Variants in ZZEF1 observed in about 807,000 individuals in gnomAD.
The protein encoded by ZZEF1 is zinc finger ZZ-type and EF-hand domain containing 1, also known as zinc finger ZZ-type and EF-hand domain-containing protein 1.
ZZEF1 carries 157 observed loss-of-function variants against 342.8 expected under a neutral mutation model. The ratio of observed to expected loss-of-function variants is 0.46; its 90% CI spans 0.40 to 0.52. ZZEF1 has a LOEUF of 0.52. Ranked by LOEUF, ZZEF1 falls within the 20% of genes least tolerant of loss-of-function variation. The pLI, the probability that ZZEF1 is intolerant of heterozygous loss-of-function variation, is 0.00. For synonymous variants in ZZEF1, 1,505 were observed against 1,429.1 expected, an observed-to-expected ratio of 1.05 and a Z score of -1.20; for missense variants, 3,480 against 3,725.6, an observed-to-expected ratio of 0.93 and a Z score of 1.72.
chr17:4,092,406 C>T (rs1308231848), intron 11 of ZZEF1, among the ~76,000 whole-genome samples: 1 of 146,770 alleles, frequency 6.8e-6, no homozygotes, highest in Non-Finnish European at 1.5e-5. Context: ...TCAAAAGATT[C>T]ACCTGCCTCA....
chr17:4,116,467 G>A (rs1201901242), intron 3 of ZZEF1, among the ~76,000 whole-genome samples: 1 of 152,178 alleles, frequency 6.6e-6, no homozygotes, highest in African/African-American at 2.4e-5. Flanking sequence ...CCTGGGCTCT[G>A]TTATGTTCCA....
At chr17:4,133,370 G>T (rs2145597671) in intron 1 of ZZEF1, among the ~76,000 whole-genome samples, 1 of 152,276 alleles carries the variant, frequency 6.6e-6, no homozygotes, top group Middle Eastern at 3.4e-3. Flanking sequence ...TGCATCCAAG[G>T]CTTCAGGGTT....
chr17:4,049,882 A>G, intron 36 of ZZEF1, 23 bp from the exon 37 acceptor site: 1 of 1,610,644 alleles, frequency 6.2e-7, no homozygotes, highest in Non-Finnish European at 8.5e-7. Context: ...CAAATCAGAG[A>G]ATGGTTAGAA....
chr17:4,047,632 G>A (rs1310013046), intron 37 of ZZEF1, among the ~76,000 whole-genome samples: 1 of 150,856 alleles, frequency 6.6e-6, no homozygotes, highest in East Asian at 1.9e-4. Context: ...AACAGAGTGA[G>A]ACCCTGTCTC....
chr17:4,082,523 T>C lies in ZZEF1; in HGVS notation c.2647-19A>G, dbSNP rs2057743896. 1.2e-6 allele frequency: 2 copies of C among 1,612,542 alleles called. No homozygotes were observed. Among genetic ancestry groups the C allele is most frequent in the Non-Finnish European group, 1.7e-6 (2 of 1,179,236 alleles). On this transcript the variant is annotated intron_variant, in intron 16 of 54. Transcript: ENST00000381638. The stretch of plus-strand genomic sequence containing the variant: ...TGACATTCTTCTAGAAAACCAGAAA[T>C]TGTATATTCAGAAAATCTAGTCCAT...
chr17:4,114,587 T>C, intron 3 of ZZEF1, 117 bp from the exon 4 acceptor site: 1 of 845,714 alleles, frequency 1.2e-6, no homozygotes, highest in Non-Finnish European at 1.7e-6. Context: ...AACACAAATC[T>C]TCCTTAAAAT....
intron 9 of ZZEF1, among the ~76,000 whole-genome samples, chr17:4,097,033 G>A (rs1209141824): frequency 4.0e-5 from 6 of 151,828 alleles, no homozygotes; most frequent in East Asian, 1.9e-4. Flanking sequence ...AGGCCGAGGC[G>A]GGTGGATCAC....
intron 43 of ZZEF1, among the ~76,000 whole-genome samples, chr17:4,024,186 GTTTTTTTTTT>G (rs754985234): frequency 3.2e-5 from 3 of 94,428 alleles, no homozygotes; most frequent in Admixed American, 1.3e-4. Flanking sequence ...TATTGCCCAG[GTTTTTTTTTT>G]TTTTTTTTTT....
At chr17:4,048,614 C>T (rs927468605) in intron 37 of ZZEF1, among the ~76,000 whole-genome samples, 6 of 152,342 alleles carry the variant, frequency 3.9e-5, no homozygotes, top group African/African-American at 7.2e-5. Context: ...TAAATTACTG[C>T]GTCTACCCGG....
intron 9 of ZZEF1, among the ~76,000 whole-genome samples, chr17:4,098,457 A>G (rs1235551122): frequency 6.6e-6 from 1 of 152,148 alleles, no homozygotes; most frequent in Non-Finnish European, 1.5e-5. Flanking sequence ...AATAAATTAA[A>G]AGTATGAATG....
At chr17:4,087,306 T>C in intron 14 of ZZEF1, 128 bp downstream of exon 14, 1 of 650,374 alleles carries the variant, frequency 1.5e-6, no homozygotes, top group Non-Finnish European at 2.6e-6. Flanking sequence ...AATAACCATA[T>C]ATTTTAAATC....
chr17:4,070,749 A>T lies in ZZEF1; in HGVS notation c.4010T>A (p.Val1337Glu). 6.2e-7 allele frequency: 1 copy of T among 1,614,198 alleles called. No homozygotes were observed. The highest frequency in any genetic ancestry group is 8.5e-7 in the Non-Finnish European group (1 of 1,180,044). ...IVAGSTIDQA[V>E]NATFAALVYR... Reference sequence around the variant, plus strand: ...CACCAGAGCAGCAAAGGTGGCGTTCACAGCTTGATCAATAGTGGAACCAGC... The same window carrying T: ...CACCAGAGCAGCAAAGGTGGCGTTCTCAGCTTGATCAATAGTGGAACCAGC... Residue 1337 changes from valine (V) to glutamate (E), a missense_variant, in exon 26 of 55, where the codon GTG becomes GAG. This residue lies in a region of ZZEF1 where 1,528 missense variants were observed against 1,624.1 expected (regional missense o/e 0.94). Coordinates refer to ENST00000381638, the MANE Select transcript of ZZEF1 (RefSeq NM_015113.4).
intron 30 of ZZEF1, among the ~76,000 whole-genome samples, chr17:4,060,364 A>C (rs150624836): frequency 6.6e-6 from 1 of 152,306 alleles, no homozygotes; most frequent in East Asian, 1.9e-4. Context: ...CAGGAGTTCA[A>C]GACCAGCCTG....
At position 4,119,184 on chromosome 17, in the gene ZZEF1, A is replaced by G. The variant is rs143093201; in HGVS notation, c.500-2018T>C. Among the ~76,000 whole-genome samples, 8 of 152,374 alleles carry G rather than the reference A, an allele frequency of 5.3e-5. No individual in the cohort carries two copies. The East Asian group carries it at 1.5e-3, about 29-fold the overall frequency. ...TAATTTGCTCAAGCAATGAAACCAC[A>G]TCTGGTACAGCAGCTACAATCGGAG... On this transcript the variant is annotated intron_variant, in intron 2 of 54. Coordinates refer to ENST00000381638, the MANE Select transcript of ZZEF1 (RefSeq NM_015113.4).
chr17:4,112,038 ATATATATATATATATATATATATATAT>A, intron 5 of ZZEF1, among the ~76,000 whole-genome samples: 2 of 4,528 alleles, frequency 4.4e-4, no homozygotes, highest in Middle Eastern at 0.1. Flanking sequence ...GTCTAAATAT[ATATATATATATATATATATATATATAT>A]ATATATATAT....
chr17:4,121,898 G>GT (rs1482423294), intron 2 of ZZEF1, among the ~76,000 whole-genome samples: 1 of 151,660 alleles, frequency 6.6e-6, no homozygotes, highest in Non-Finnish European at 1.5e-5. Context: ...AATTTTTTTC[G>GT]TAAGAGATGG....
intron 5 of ZZEF1, 85 bp downstream of exon 5, chr17:4,112,524 C>G: frequency 7.4e-7 from 1 of 1,359,292 alleles, no homozygotes; most frequent in Non-Finnish European, 1.0e-6. Context: ...CAAACCGAAT[C>G]TCAAAAACTA....
Position 4,085,756 on chromosome 17 carries a change from G to GT in ZZEF1, c.2559dup (p.Gln854ThrfsTer17). 6.2e-7 allele frequency: 1 copy of GT among 1,614,126 alleles called. No individual in the cohort carries two copies. The highest frequency in any genetic ancestry group is 8.5e-7 in the Non-Finnish European group (1 of 1,179,992). ...TTGAGAAGGGTATTCCTGACTTCTTGTTTTAGTATCTCCATGGGCACAGAG... is the reference window on the plus strand; with the variant it reads ...TTGAGAAGGGTATTCCTGACTTCTTGTTTTTAGTATCTCCATGGGCACAGAG... On this transcript the variant is annotated frameshift_variant, in exon 16 of 55. Transcript: ENST00000381638. LOFTEE classifies it high-confidence loss of function.
intron 30 of ZZEF1, among the ~76,000 whole-genome samples, chr17:4,062,064 C>G (rs1019269079): frequency 6.6e-6 from 1 of 152,102 alleles, no homozygotes; most frequent in Non-Finnish European, 1.5e-5. Context: ...CCCATTTTCC[C>G]TGTCACTCAG....
Sources: allele counts gnomAD v4.1 joint callset (sites outside exome capture counted in the v4.1 genomes callset), GRCh38; gene constraint gnomAD v4.1.1; regional missense constraint gnomAD v4.1.1; transcripts MANE v1.5; gene names NCBI Gene and HGNC (gene_info 2026-07-23, HGNC 2026-07-21).